The following NLK variants were observed in gnomAD, a reference collection of about 807,000 sequenced individuals.
NLK encodes nemo like kinase, also known as serine/threonine-protein kinase NLK.
In NLK, 11 loss-of-function variants were observed where a neutral mutation model predicts 59.0. The ratio of observed to expected loss-of-function variants is 0.19; its 90% CI spans 0.12 to 0.31. The LOEUF (loss-of-function observed/expected upper bound fraction) is 0.31. Among genes scored for constraint, NLK ranks in the 10% least tolerant of loss-of-function variants. The pLI, the probability that NLK is intolerant of heterozygous loss-of-function variation, is 1.00. For missense variants in NLK, 410 were observed against 661.1 expected, an observed-to-expected ratio of 0.62 and a Z score of 4.16; for synonymous variants, 235 against 235.9, an observed-to-expected ratio of 1.00 and a Z score of 0.03.
intron 1 of NLK, among the ~76,000 whole-genome samples, chr17:28,061,742 A>G (rs954824367): frequency 6.8e-6 from 1 of 147,648 alleles, no homozygotes. Context: ...ATTATTTCAT[A>G]TATATATACA....
intron 1 of NLK, among the ~76,000 whole-genome samples, chr17:28,116,853 A>AT: frequency 6.6e-6 from 1 of 152,176 alleles, no homozygotes; most frequent in Non-Finnish European, 1.5e-5. Flanking sequence ...TGTGTGACAT[A>AT]TTTTCAGTTT....
intron 3 of NLK, among the ~76,000 whole-genome samples, chr17:28,143,260 T>G (rs1907088368): frequency 6.6e-6 from 1 of 152,060 alleles, no homozygotes; most frequent in African/African-American, 2.4e-5. Context: ...GCCAGGATGG[T>G]CTCGCTCTCC....
chr17:28,111,698 T>C (rs967097539), intron 1 of NLK, among the ~76,000 whole-genome samples: 1 of 152,132 alleles, frequency 6.6e-6, no homozygotes, highest in African/African-American at 2.4e-5. Flanking sequence ...AGAATCTGTC[T>C]CCCCACTGAG....
chr17:28,198,375 G>C (rs1252115950), downstream of NLK, among the ~76,000 whole-genome samples: 1 of 152,166 alleles, frequency 6.6e-6, no homozygotes, highest in Non-Finnish European at 1.5e-5. Flanking sequence ...CCAGACTGGA[G>C]TGTAGTGGCG....
At chr17:28,190,183 CTTTAAAA>C (rs1909257331) in intron 8 of NLK, among the ~76,000 whole-genome samples, 1 of 152,146 alleles carries the variant, frequency 6.6e-6, no homozygotes, top group Non-Finnish European at 1.5e-5. Flanking sequence ...ATCCTTAAAT[CTTTAAAA>C]TTTACTTTCA....
In NLK at chr17:28,189,744, GA is replaced by G. The variant is rs1396770160; in HGVS notation, c.1237-1270del. 3.3e-5 allele frequency among the ~76,000 whole-genome samples: 5 copies of G among 151,528 alleles called. No individual in the cohort carries two copies. The East Asian group carries it at 9.6e-4, about 29-fold the overall frequency. On this transcript the variant is annotated intron_variant, in intron 8 of 10. Transcript: ENST00000407008. ...CTATCAAAGGACTCAGACTTTTTTA[GA>G]AAAAAAGAAAAGGAAAAAGTTTACT...
intron 2 of NLK, among the ~76,000 whole-genome samples, chr17:28,131,052 C>T (rs1201706143): frequency 6.6e-6 from 1 of 151,948 alleles, no homozygotes; most frequent in East Asian, 1.9e-4. Flanking sequence ...ATTTAAAAGC[C>T]TCCAACTGGC....
intron 6 of NLK, among the ~76,000 whole-genome samples, chr17:28,170,630 C>T (rs1039631384): frequency 6.6e-6 from 1 of 152,124 alleles, no homozygotes; most frequent in Non-Finnish European, 1.5e-5. Flanking sequence ...ACAGACTTAA[C>T]CTGTAAGACT....
chr17:28,110,621 T>C (rs138381009), intron 1 of NLK, among the ~76,000 whole-genome samples: 212 of 152,202 alleles, frequency 1.4e-3, no homozygotes, highest in African/African-American at 4.5e-3. Context: ...ATATTCCCAT[T>C]GCATGCATGT....
intron 1 of NLK, among the ~76,000 whole-genome samples, chr17:28,084,206 T>C (rs1910437911): frequency 6.6e-6 from 1 of 152,194 alleles, no homozygotes; most frequent in Admixed American, 6.5e-5. Context: ...TTTCCTCATC[T>C]GCAAAGTGAA....
intron 3 of NLK, among the ~76,000 whole-genome samples, chr17:28,152,999 C>T (rs917494846): frequency 1.3e-5 from 2 of 151,594 alleles, no homozygotes; most frequent in Admixed American, 6.6e-5. Flanking sequence ...TTCGGCCAGG[C>T]ACAGTGGCTC....
intron 7 of NLK, among the ~76,000 whole-genome samples, chr17:28,175,998 A>T (rs766567158): frequency 2.6e-5 from 4 of 152,230 alleles, no homozygotes; most frequent in Non-Finnish European, 1.5e-5. Context: ...ATGCCTTAAC[A>T]TAAAGGATCT....
At chr17:28,151,568 T>C (rs1907480438) in intron 3 of NLK, among the ~76,000 whole-genome samples, 1 of 152,218 alleles carries the variant, frequency 6.6e-6, no homozygotes, top group East Asian at 1.9e-4. Flanking sequence ...TCCAGTCTTT[T>C]ATGTTTAAAA....
chr17:28,068,957 G>T (rs981090027), intron 1 of NLK, among the ~76,000 whole-genome samples: 2 of 152,192 alleles, frequency 1.3e-5, no homozygotes, highest in African/African-American at 4.8e-5. Context: ...GGAATTACAG[G>T]TGTAAGCCAC....
chr17:28,159,453 CTG>C (rs1405614988), intron 3 of NLK, among the ~76,000 whole-genome samples: 3 of 151,748 alleles, frequency 2.0e-5, no homozygotes, highest in African/African-American at 7.3e-5. Flanking sequence ...TGGGTCATCT[CTG>C]CGTAATTTTC....
chr17:28,185,289 AT>A lies in NLK; in HGVS notation c.1236+29del, dbSNP rs747834513. On this transcript the variant is annotated intron_variant, in intron 8 of 10. Coordinates refer to ENST00000407008, the MANE Select transcript of NLK (RefSeq NM_016231.5). ...CAGTAAGTAGTGTTTTTTTTTATAT[AT>A]TTTTAATGAATTACAAATACATGTG... 15 of 1,371,890 alleles carry A rather than the reference AT, an allele frequency of 1.1e-5. No homozygotes were observed. In the South Asian group the frequency reaches 1.5e-4, roughly 13 times the overall value. The allele number at this position is 1,371,890 out of a possible 1,614,324, so 85.0% of individuals were successfully genotyped here.
intron 2 of NLK, among the ~76,000 whole-genome samples, chr17:28,126,543 G>A (rs1906297054): frequency 6.6e-6 from 1 of 152,172 alleles, no homozygotes; most frequent in Non-Finnish European, 1.5e-5. Context: ...GGTCATTGTA[G>A]GAAGGTTGGA....
At chr17:28,197,751 A>G (rs889116293), downstream of NLK, among the ~76,000 whole-genome samples, 2 of 152,142 alleles carry the variant, frequency 1.3e-5, no homozygotes, top group African/African-American at 4.8e-5. Context: ...TCTCTATGGT[A>G]TGTTATTTAA....
intron 8 of NLK, among the ~76,000 whole-genome samples, chr17:28,188,146 CCA>C (rs1173831095): frequency 1.3e-5 from 2 of 152,142 alleles, no homozygotes; most frequent in Non-Finnish European, 2.9e-5. Flanking sequence ...AAGGCCAAGG[CCA>C]CAGTGAGCCA....
Sources: allele counts gnomAD v4.1 joint callset (sites outside exome capture counted in the v4.1 genomes callset), GRCh38; gene constraint gnomAD v4.1.1; transcripts MANE v1.5; gene names NCBI Gene and HGNC (gene_info 2026-07-23, HGNC 2026-07-21).